ATP2A3: variants seen among roughly 807,000 people sequenced by gnomAD.
The protein encoded by ATP2A3 is sarcoplasmic/endoplasmic reticulum calcium ATPase 3.
A neutral mutation model predicts 106.8 loss-of-function variants in ATP2A3; 61 were observed. The observed-to-expected ratio is 0.57, with a 90% CI of 0.46 to 0.71. The LOEUF is 0.71. ATP2A3 is among the 30% of genes least tolerant of loss of function. The pLI is 0.00. For missense variants in ATP2A3, 1,201 were observed against 1,423.5 expected, an observed-to-expected ratio of 0.84 and a Z score of 2.52; for synonymous variants, 611 against 609.3, an observed-to-expected ratio of 1.00 and a Z score of -0.04.
chr17:3,935,183 C>G lies in ATP2A3; in HGVS notation c.2610+9G>C. On this transcript the variant is annotated intron_variant, in intron 17 of 20. Coordinates refer to ENST00000397041, the MANE Select transcript of ATP2A3 (RefSeq NM_005173.4). ...AGTTCAACAGGCTCCCTGGCCAGCC[C>G]TTGCTCACCAGCTGGTAGAAGTTGA... 1 of 1,614,002 alleles carries G rather than the reference C, an allele frequency of 6.2e-7. No individual in the cohort carries two copies. Among genetic ancestry groups the G allele is most frequent in the South Asian group, 1.1e-5 (1 of 91,082 alleles).
chr17:3,933,996 T>G (rs1250960271), intron 17 of ATP2A3, among the ~76,000 whole-genome samples: 2 of 150,592 alleles, frequency 1.3e-5, no homozygotes. Flanking sequence ...CGATCTCAGC[T>G]CACTGCAACT....
chr17:3,932,135 A>ATTTTGTTATG (rs141816891), intron 17 of ATP2A3, among the ~76,000 whole-genome samples: 1 of 151,486 alleles, frequency 6.6e-6, no homozygotes, highest in African/African-American at 2.4e-5. Flanking sequence ...TTTTCTTTTT[A>ATTTTGTTATG]TTTTGTTTTG....
chr17:3,959,609 T>A (rs532159748), intron 1 of ATP2A3, among the ~76,000 whole-genome samples: 1 of 152,344 alleles, frequency 6.6e-6, no homozygotes, highest in African/African-American at 2.4e-5. Context: ...AAATGTCAGT[T>A]CCAGCCGGGA....
intron 4 of ATP2A3, 35 bp downstream of exon 4, chr17:3,951,546 G>GCCCCCCCCCCCCGACCCCC: frequency 2.3e-6 from 3 of 1,319,570 alleles, no homozygotes; most frequent in Non-Finnish European, 3.1e-6. Flanking sequence ...CTGGGAGACC[G>GCCCCCCCCCCCCGACCCCC]CCCCCCGCCC....
At chr17:3,940,322 C>A (rs1455562094) in intron 14 of ATP2A3, among the ~76,000 whole-genome samples, 2 of 152,020 alleles carry the variant, frequency 1.3e-5, no homozygotes, top group African/African-American at 4.8e-5. Flanking sequence ...AACATGTATT[C>A]TAAAGTAGGT....
chr17:3,953,160 T>G lies in ATP2A3; in HGVS notation c.219+187A>C. 1.5e-6 allele frequency: 1 copy of G among 666,218 alleles called. No homozygotes were observed. 41.3% of individuals were successfully genotyped at this position (666,218 alleles called of 1,614,324 possible). A position where few individuals can be genotyped will look rare whatever the true frequency, so the allele number is the denominator to read the frequency against. ...GGTCAGGTGGGAGCCGGGGACCCAA[T>G]GTAGGGGCCATGAGGGTTCAGGCAA... On this transcript the variant is annotated intron_variant, in intron 3 of 20. Coordinates refer to ENST00000397041, the MANE Select transcript of ATP2A3 (RefSeq NM_005173.4). The surrounding 1 kb of genome is among the most constrained non-coding windows in gnomAD (Gnocchi z 5.1).
intron 1 of ATP2A3, among the ~76,000 whole-genome samples, chr17:3,957,733 C>A (rs566216933): frequency 7.2e-5 from 11 of 152,214 alleles, no homozygotes; most frequent in Non-Finnish European, 1.2e-4. Flanking sequence ...TCCCAGGCTG[C>A]GTGTTGGAGG....
At chr17:3,943,253 C>T in intron 11 of ATP2A3, 138 bp downstream of exon 11, 1 of 1,367,434 alleles carries the variant, frequency 7.3e-7, no homozygotes, top group Non-Finnish European at 1.0e-6. Flanking sequence ...GCCTGGGCGA[C>T]AGAATGAGAC....
At chr17:3,940,644 G>A (rs1307192683) in intron 14 of ATP2A3, among the ~76,000 whole-genome samples, 15 of 151,970 alleles carry the variant, frequency 9.9e-5, no homozygotes, top group African/African-American at 3.6e-4. Flanking sequence ...AGTAGCTGGG[G>A]TTACAGGAAT....
chr17:3,932,957 A>C (rs1270499993), intron 17 of ATP2A3, among the ~76,000 whole-genome samples: 1 of 151,852 alleles, frequency 6.6e-6, no homozygotes, highest in East Asian at 1.9e-4. Context: ...TTATGCGTCT[A>C]CACAGAGAAG....
In ATP2A3 at chr17:3,941,082, G is replaced by A. The variant is rs201705121; in HGVS notation, c.1989C>T (p.Pro663=). 1.5e-5 allele frequency: 25 copies of A among 1,613,698 alleles called. No individual in the cohort carries two copies. Among genetic ancestry groups the A allele is most frequent in the Admixed American group, 1.5e-4 (9 of 59,990 alleles). Reference sequence around the variant, plus strand: ...TGCGGCAGGCCTGGCGCTGCTGCTCGGGGCTGAGGTCATCAAACTCGCGGC... The same window carrying A: ...TGCGGCAGGCCTGGCGCTGCTGCTCAGGGCTGAGGTCATCAAACTCGCGGC... ...YTGREFDDLS[P]EQQRQACRTA... The change falls in exon 14 of 21, where the codon CCC becomes CCT. Residue 663 remains proline (P), a synonymous_variant. Coordinates refer to ENST00000397041, the MANE Select transcript of ATP2A3 (RefSeq NM_005173.4).
intron 17 of ATP2A3, chr17:3,934,848 G>A (rs2053336917): frequency 3.2e-6 from 1 of 317,446 alleles, no homozygotes; most frequent in Admixed American, 4.0e-5. Context: ...GATCTCCTCA[G>A]TTTGACCCTC....
Position 3,953,708 on chromosome 17 carries a change from G to A in ATP2A3, c.121C>T (p.Leu41Phe). 3 of 1,570,652 alleles carry A rather than the reference G, an allele frequency of 1.9e-6. No individual in the cohort carries two copies. Among genetic ancestry groups the A allele is most frequent in the Non-Finnish European group, 2.6e-6 (3 of 1,157,812 alleles). ...GARERYGPNE[L>F]PSEEGKSLWE... ...CCAGCCTCACCTTCCTCACTCGGGAGCTCTGCAGGATCCAGGCAGCCACGG... is the reference window on the plus strand; with the variant it reads ...CCAGCCTCACCTTCCTCACTCGGGAACTCTGCAGGATCCAGGCAGCCACGG... Residue 41 changes from leucine to phenylalanine, a missense_variant and splice_region_variant, in exon 2 of 21, where the codon CTC becomes TTC. Coordinates refer to ENST00000397041, the MANE Select transcript of ATP2A3 (RefSeq NM_005173.4). This position sits in a 1 kb window ranked among gnomAD's most constrained non-coding sequence, Gnocchi z 5.1.
intron 7 of ATP2A3, among the ~76,000 whole-genome samples, chr17:3,948,844 C>T (rs2054260774): frequency 6.6e-6 from 1 of 152,032 alleles, no homozygotes; most frequent in Non-Finnish European, 1.5e-5. Context: ...AAGAAGAGTT[C>T]TGGGCCAGGT....
In ATP2A3 at chr17:3,953,194, G is replaced by T; in HGVS notation, c.219+153C>A. 2.3e-6 allele frequency: 2 copies of T among 858,668 alleles called. No homozygotes were observed. Among genetic ancestry groups the T allele is most frequent in the South Asian group, 2.8e-5 (2 of 72,338 alleles). 53.2% of individuals were successfully genotyped at this position (858,668 alleles called of 1,614,324 possible). A position where few individuals can be genotyped will look rare whatever the true frequency, so the allele number is the denominator to read the frequency against. On this transcript the variant is annotated intron_variant, in intron 3 of 20. Coordinates refer to ENST00000397041, the MANE Select transcript of ATP2A3 (RefSeq NM_005173.4). The surrounding 1 kb of genome is among the most constrained non-coding windows in gnomAD (Gnocchi z 5.1). ...CATGAGGGTTCAGGCAAGGGAAGCT[G>T]AAGTCTGAGCAGGGCAGGGCCAGGG...
At position 3,935,282 on chromosome 17, in the gene ATP2A3, G is replaced by A. The variant is rs200206604; in HGVS notation, c.2525-5C>T. 11 of 1,613,042 alleles carry A rather than the reference G, an allele frequency of 6.8e-6. No homozygotes were observed. Among genetic ancestry groups the A allele is most frequent in the East Asian group, 6.7e-5 (3 of 44,874 alleles). On this transcript the variant is annotated splice_region_variant and splice_polypyrimidine_tract_variant and intron_variant, in intron 16 of 20. Coordinates refer to ENST00000397041, the MANE Select transcript of ATP2A3 (RefSeq NM_005173.4). ...CTGTGGCCAGGCCTACGTACACTGC[G>A]GGGAAGGGAGGAGACCGGCTGTAGA...
intron 7 of ATP2A3, among the ~76,000 whole-genome samples, chr17:3,950,263 G>A (rs1172981617): frequency 6.6e-6 from 1 of 151,296 alleles, no homozygotes; most frequent in South Asian, 2.1e-4. Flanking sequence ...CCGGGCTCAA[G>A]TGACTCTCCT....
Position 3,943,508 on chromosome 17 carries a change from A to T in ATP2A3, c.1302T>A (p.Tyr434Ter). Reference sequence around the variant, plus strand: ...TCTCCGTGGCCTCTCCCACCTTCTCATACACACCCTTGGCCTGGCAAGGAC... The same window carrying T: ...TCTCCGTGGCCTCTCCCACCTTCTCTTACACACCCTTGGCCTGGCAAGGAC... ...ALDYNEAKGVYEKVGEATETA... is the reference protein window; with the variant it reads ...ALDYNEAKGV The change falls in exon 11 of 21, where the codon TAT becomes TAA. Residue 434 changes from tyrosine (Y) to a stop codon, truncating the protein, a stop_gained. Coordinates refer to ENST00000397041, the MANE Select transcript of ATP2A3 (RefSeq NM_005173.4). LOFTEE classifies it high-confidence loss of function. 1 of 1,613,656 alleles carries T rather than the reference A, an allele frequency of 6.2e-7. No homozygotes were observed. Among genetic ancestry groups the T allele is most frequent in the South Asian group, 1.1e-5 (1 of 91,080 alleles).
rs1424221407 is a variant in ATP2A3, at chr17:3,930,912, G to A, written c.2611-478C>T. ...CCTGTCATCCCAGGGAGGCGGAGGC[G>A]GGTGGATCACCTGAGGTCAGGAGTT... On this transcript the variant is annotated intron_variant, in intron 17 of 20. Coordinates refer to ENST00000397041, the MANE Select transcript of ATP2A3 (RefSeq NM_005173.4). The surrounding 1 kb of genome is among the most constrained non-coding windows in gnomAD (Gnocchi z 5.4). 1.1e-5 allele frequency: 3 copies of A among 272,536 alleles called. No homozygotes were observed. Among genetic ancestry groups the A allele is most frequent in the Admixed American group, 4.8e-5 (1 of 20,644 alleles). The allele number at this position is 272,536 out of a possible 1,614,324, so 16.9% of individuals were successfully genotyped here.
Sources: allele counts gnomAD v4.1 joint callset (sites outside exome capture counted in the v4.1 genomes callset), GRCh38; gene constraint gnomAD v4.1.1; non-coding constraint Gnocchi (gnomAD v3.1); transcripts MANE v1.5; gene names NCBI Gene and HGNC (gene_info 2026-07-23, HGNC 2026-07-21).